The following FNDC3B variants were observed in gnomAD, a reference collection of about 807,000 sequenced individuals.
FNDC3B encodes fibronectin type III domain-containing protein 3B.
In FNDC3B, 12 loss-of-function variants were observed where a neutral mutation model predicts 151.5. The observed-to-expected ratio is 0.08, with a 90% confidence interval of 0.05 to 0.13. The LOEUF is 0.13. Among genes scored for constraint, FNDC3B ranks in the 10% least tolerant of loss-of-function variants. The pLI is 1.00. For synonymous variants in FNDC3B, 528 were observed against 549.0 expected, an observed-to-expected ratio of 0.96 and a Z score of 0.54; for missense variants, 1,214 against 1,505.3, an observed-to-expected ratio of 0.81 and a Z score of 3.20.
chr3:172,149,072 T>C (rs1054759152), intron 3 of FNDC3B, among the ~76,000 whole-genome samples: 1 of 152,194 alleles, frequency 6.6e-6, no homozygotes, highest in Non-Finnish European at 1.5e-5. Context: ...AGGAAATGGC[T>C]CAACAGGAAG....
intron 23 of FNDC3B, among the ~76,000 whole-genome samples, chr3:172,371,014 G>T (rs886491906): frequency 6.6e-6 from 1 of 152,118 alleles, no homozygotes; most frequent in Non-Finnish European, 1.5e-5. Context: ...TCACTGTATG[G>T]ATTTGGACAA....
In FNDC3B at chr3:172,341,052, A is replaced by G. The variant is rs989273506; in HGVS notation, c.1853-61A>G. On this transcript the variant is annotated intron_variant, in intron 16 of 25. Transcript: ENST00000415807. The stretch of plus-strand genomic sequence containing the variant: ...AACATAGAGCTTTTTCTTGTCAGCA[A>G]TGGCTGATATGCTACATTTTTACAA... 7.3e-6 allele frequency: 8 copies of G among 1,094,884 alleles called. No individual in the cohort carries two copies. In the Admixed American group the frequency reaches 8.5e-5, roughly 12 times the overall value. 67.8% of individuals were successfully genotyped at this position (1,094,884 alleles called of 1,614,324 possible). A position where few individuals can be genotyped will look rare whatever the true frequency, so the allele number is the denominator to read the frequency against.
In FNDC3B at chr3:172,069,188, G is replaced by A. The variant is rs143085199; in HGVS notation, c.-29+29417G>A. Among the ~76,000 whole-genome samples, 411 of 152,324 alleles carry A rather than the reference G, an allele frequency of 2.7e-3. 1 individual carries two copies. The highest frequency in any genetic ancestry group is 9.2e-3 in the African/African-American group (381 of 41,560). ...CCGGTGAGTTTCGCCAGGGCTTCCAGTCAATTTAGCAGGTCACTCTAGTAC... is the reference window on the plus strand; with the variant it reads ...CCGGTGAGTTTCGCCAGGGCTTCCAATCAATTTAGCAGGTCACTCTAGTAC... On this transcript the variant is annotated intron_variant, in intron 1 of 25. Transcript: ENST00000415807.
At chr3:172,247,456 G>C (rs1484279772) in intron 4 of FNDC3B, 77 bp from the exon 5 acceptor site, 7 of 1,443,484 alleles carry the variant, frequency 4.8e-6, no homozygotes, top group Non-Finnish European at 6.6e-6. Flanking sequence ...TAAAATTAAA[G>C]TGGAAGTTAT....
At chr3:172,249,785 TGAA>T (rs2108773986) in intron 5 of FNDC3B, among the ~76,000 whole-genome samples, 2 of 152,326 alleles carry the variant, frequency 1.3e-5, no homozygotes, top group African/African-American at 4.8e-5. Context: ...GGTTCTCTCA[TGAA>T]GATTTGTTTT....
At chr3:172,134,140 A>G (rs1463354036) in intron 3 of FNDC3B, among the ~76,000 whole-genome samples, 1 of 152,210 alleles carries the variant, frequency 6.6e-6, no homozygotes, top group African/African-American at 2.4e-5. Flanking sequence ...CCATTATAGG[A>G]TTAGCTCAGA....
intron 3 of FNDC3B, among the ~76,000 whole-genome samples, chr3:172,177,768 T>C (rs1312205766): frequency 6.6e-6 from 1 of 151,888 alleles, no homozygotes; most frequent in Non-Finnish European, 1.5e-5. Context: ...ATGTGTACTA[T>C]GGTGGTTTGC....
chr3:172,225,416 A>G, intron 3 of FNDC3B: 1 of 215,684 alleles, frequency 4.6e-6, no homozygotes, highest in Non-Finnish European at 9.8e-6. Flanking sequence ...CAAGTGAGCC[A>G]CAGTGCTGAG....
intron 25 of FNDC3B, among the ~76,000 whole-genome samples, chr3:172,382,542 C>T (rs1269597111): frequency 2.0e-5 from 3 of 152,188 alleles, no homozygotes; most frequent in African/African-American, 7.2e-5. Context: ...AGTCTTTACC[C>T]ATGCCTATGT....
chr3:172,231,337 G>A (rs1413785342), intron 4 of FNDC3B, among the ~76,000 whole-genome samples: 1 of 152,178 alleles, frequency 6.6e-6, no homozygotes, highest in East Asian at 1.9e-4. Flanking sequence ...TCTTTGCGGA[G>A]ACGAAAATGT....
chr3:172,352,890 T>C lies in FNDC3B; in HGVS notation c.2602T>C (p.Cys868Arg), dbSNP rs769922761. ...ASAPDPVSTLCVLEEEPLDAY... is the reference protein window; with the variant it reads ...ASAPDPVSTLRVLEEEPLDAY... ...TGCCCCTGACCCCGTCTCCACTCTC[T>C]GTGTCCTGGAGGAGGAGCCCCTTGA... The change falls in exon 22 of 26, where the codon TGT (cysteine) becomes CGT (arginine). Residue 868 changes from cysteine (C) to arginine (R), a missense_variant. Around this residue, in one of 7 missense-constraint regions of FNDC3B, gnomAD observed 380 missense variants for 420.9 expected, o/e 0.90. Coordinates refer to ENST00000415807, the MANE Select transcript of FNDC3B (RefSeq NM_022763.4). This position sits in a 1 kb window ranked among gnomAD's most constrained non-coding sequence, Gnocchi z 4.2. 6.2e-6 allele frequency: 10 copies of C among 1,614,076 alleles called. No homozygotes were observed. In the South Asian group the frequency reaches 1.1e-4, roughly 18 times the overall value.
In FNDC3B at chr3:172,340,646, T is replaced by C. The variant is rs143401459; in HGVS notation, c.1853-467T>C. Among the ~76,000 whole-genome samples, 311 of 152,258 alleles carry C rather than the reference T, an allele frequency of 2.0e-3. 2 individuals are homozygous for C. Among genetic ancestry groups the C allele is most frequent in the Middle Eastern group, 0.014 (4 of 294 alleles). On this transcript the variant is annotated intron_variant, in intron 16 of 25. Transcript: ENST00000415807. ...AAAGACCCAGTTTTTAAAAGAGGAT[T>C]TCACTTCCTTTGACCTCTAGGCAGA...
At chr3:172,384,590 C>A (rs2108378973) in intron 25 of FNDC3B, among the ~76,000 whole-genome samples, 1 of 152,258 alleles carries the variant, frequency 6.6e-6, no homozygotes, top group African/African-American at 2.4e-5. Context: ...TTGTAAAAAT[C>A]TTTTATTTTA....
chr3:172,346,145 A>G (rs1733603157), intron 19 of FNDC3B, 182 bp from the exon 20 acceptor site: 1 of 394,400 alleles, frequency 2.5e-6, no homozygotes, highest in Non-Finnish European at 4.6e-6. Flanking sequence ...GACTGTATAT[A>G]GGAGAAAAAC....
intron 1 of FNDC3B, among the ~76,000 whole-genome samples, chr3:172,098,059 G>A (rs943011405): frequency 2.6e-5 from 4 of 151,548 alleles, no homozygotes; most frequent in Non-Finnish European, 5.9e-5. Flanking sequence ...AGCCAGAAGA[G>A]TTGCCCTTTG....
intron 2 of FNDC3B, 36 bp from the exon 3 acceptor site, chr3:172,133,435 C>T (rs1289066928): frequency 1.3e-6 from 2 of 1,497,202 alleles, no homozygotes; most frequent in East Asian, 2.3e-5. Flanking sequence ...CCAGAGGTTC[C>T]AGTATTAAAC....
chr3:172,386,487 A>C (rs1419461888), intron 25 of FNDC3B, among the ~76,000 whole-genome samples: 1 of 152,238 alleles, frequency 6.6e-6, no homozygotes, highest in African/African-American at 2.4e-5. Flanking sequence ...TTACGCCTGT[A>C]ATCCCAGCCC....
intron 6 of FNDC3B, among the ~76,000 whole-genome samples, chr3:172,269,333 A>T (rs1729072864): frequency 6.6e-6 from 1 of 151,826 alleles, no homozygotes; most frequent in African/African-American, 2.4e-5. Context: ...ATCATAGCTC[A>T]CTGCAGCCTC....
intron 2 of FNDC3B, among the ~76,000 whole-genome samples, chr3:172,125,569 G>A (rs934632822): frequency 7.9e-5 from 12 of 152,122 alleles, no homozygotes; most frequent in African/African-American, 2.4e-4. Context: ...CCCAAACCCC[G>A]TCCTTCATTT....
Sources: allele counts gnomAD v4.1 joint callset (sites outside exome capture counted in the v4.1 genomes callset), GRCh38; gene constraint gnomAD v4.1.1; regional missense constraint gnomAD v4.1.1; non-coding constraint Gnocchi (gnomAD v3.1); transcripts MANE v1.5; gene names NCBI Gene and HGNC (gene_info 2026-07-23, HGNC 2026-07-21).